The following FDFT1 variants were observed in gnomAD, a reference collection of about 807,000 sequenced individuals.
FDFT1 encodes the protein farnesyl-diphosphate farnesyltransferase 1, also known as squalene synthase.
FDFT1 carries 68 observed loss-of-function variants against 46.8 expected under a neutral mutation model. That is an observed-to-expected ratio of 1.45 (90% CI 1.19 to 1.78). FDFT1 has a LOEUF of 1.78. Ranked by LOEUF, FDFT1 falls within the 40% of genes most tolerant of loss-of-function variation. FDFT1 has a pLI of 0.00. For missense variants in FDFT1, 928 were observed against 524.4 expected (o/e 1.77, Z -7.52); for synonymous variants, 351 against 185.1 (o/e 1.90, Z -7.28).
chr8:11,803,135 C>T lies in FDFT1; in HGVS notation c.99+204C>T, dbSNP rs148275104. 1.9e-4 allele frequency: 273 copies of T among 1,426,086 alleles called. 1 individual carries two copies. In the East Asian group the frequency reaches 5.3e-3, roughly 28 times the overall value. The allele number at this position is 1,426,086 out of a possible 1,614,324, so 88.3% of individuals were successfully genotyped here. ...GTCCTGGCTGACCTGTCCCTGCCCC[C>T]GCAAGCCGCCCTGGGCATGAGCGAC... is the stretch of plus-strand genomic sequence containing the variant. On this transcript the variant is annotated intron_variant, in intron 1 of 7. Coordinates refer to ENST00000220584, the MANE Select transcript of FDFT1 (RefSeq NM_004462.5).
At chr8:11,818,695 T>C (rs1385388657) in intron 3 of FDFT1, among the ~76,000 whole-genome samples, 1 of 151,706 alleles carries the variant, frequency 6.6e-6, no homozygotes, top group Non-Finnish European at 1.5e-5. Context: ...CCTGCTTTTT[T>C]TTTTCGCTTG....
chr8:11,804,714 C>T (rs1806597887), intron 1 of FDFT1, among the ~76,000 whole-genome samples: 1 of 142,202 alleles, frequency 7.0e-6, no homozygotes, highest in East Asian at 2.3e-4. Context: ...TCAAGCAATT[C>T]TCCTGCCTCA....
intron 4 of FDFT1, among the ~76,000 whole-genome samples, chr8:11,824,990 T>A (rs552587100): frequency 2.0e-5 from 3 of 152,122 alleles, no homozygotes; most frequent in Non-Finnish European, 4.4e-5. Flanking sequence ...CCGTCTCAGC[T>A]TCCCAAAGTG....
At chr8:11,808,662 G>T in intron 1 of FDFT1, 132 bp from the exon 2 acceptor site, 1 of 1,459,564 alleles carries the variant, frequency 6.9e-7, no homozygotes, top group Non-Finnish European at 9.1e-7. Flanking sequence ...GCCCTGCAAG[G>T]ACTGGCCTCG....
chr8:11,796,954 G>A (rs1805619093), intron 1 of FDFT1, among the ~76,000 whole-genome samples: 1 of 152,236 alleles, frequency 6.6e-6, no homozygotes, highest in African/African-American at 2.4e-5. Context: ...AAGCAGCTCA[G>A]GGCAGTTGTG....
chr8:11,804,773 A>AT (rs1806608239), intron 1 of FDFT1, among the ~76,000 whole-genome samples: 1 of 151,546 alleles, frequency 6.6e-6, no homozygotes, highest in African/African-American at 2.4e-5. Flanking sequence ...CGCCCGGCTG[A>AT]TTTTTTGGTA....
At chr8:11,836,644 A>T (rs1811571758) in intron 7 of FDFT1, among the ~76,000 whole-genome samples, 1 of 152,248 alleles carries the variant, frequency 6.6e-6, no homozygotes, top group African/African-American at 2.4e-5. Flanking sequence ...TTTTAGGAGG[A>T]AGGCTAAGAC....
Position 11,838,623 on chromosome 8 carries a change from C to T in FDFT1, c.*14C>T, listed in dbSNP as rs962708897. 1.3e-6 allele frequency: 2 copies of T among 1,585,604 alleles called. No homozygotes were observed. Among genetic ancestry groups the T allele is most frequent in the African/African-American group, 2.7e-5 (2 of 74,294 alleles). On this transcript the variant is annotated 3_prime_UTR_variant, in exon 8 of 8. Coordinates refer to ENST00000220584, the MANE Select transcript of FDFT1 (RefSeq NM_004462.5). The stretch of plus-strand genomic sequence containing the variant: ...GGAGAACACTGATCCCAAATTTGTC[C>T]ATAGCTGAAGTCCACCATAAAGTGG...
intron 5 of FDFT1, among the ~76,000 whole-genome samples, chr8:11,826,933 C>T (rs1431602302): frequency 6.6e-6 from 1 of 152,146 alleles, no homozygotes; most frequent in East Asian, 1.9e-4. Context: ...GAATGGATTT[C>T]CCCCAAAGAA....
intron 3 of FDFT1, among the ~76,000 whole-genome samples, chr8:11,812,559 A>C (rs1409328265): frequency 6.6e-6 from 1 of 152,208 alleles, no homozygotes; most frequent in Non-Finnish European, 1.5e-5. Flanking sequence ...AAGAATTCTA[A>C]ATTCAAACCT....
intron 3 of FDFT1, among the ~76,000 whole-genome samples, chr8:11,821,091 C>A (rs1809174216): frequency 6.6e-6 from 1 of 152,150 alleles, no homozygotes; most frequent in Non-Finnish European, 1.5e-5. Flanking sequence ...GTGCTTGATC[C>A]ATGTTTGCAC....
At chr8:11,824,758 C>T (rs34015932) in intron 4 of FDFT1, among the ~76,000 whole-genome samples, 31,356 of 151,820 alleles carry the variant, frequency 0.21, 4,719 homozygotes, top group East Asian at 0.77. Context: ...TGTTTTGAGA[C>T]GGAGTCTCAC....
chr8:11,808,340 G>C, intron 1 of FDFT1: 1 of 1,234,068 alleles, frequency 8.1e-7, no homozygotes, highest in Non-Finnish European at 1.0e-6. Context: ...ACAGCGGGAG[G>C]AGGCGCCGGT....
In FDFT1 at chr8:11,808,905, G is replaced by A; in HGVS notation, c.197+14G>A. 10 of 1,611,480 alleles carry A rather than the reference G, an allele frequency of 6.2e-6. No homozygotes were observed. Among genetic ancestry groups the A allele is most frequent in the Non-Finnish European group, 8.5e-6 (10 of 1,178,872 alleles). On this transcript the variant is annotated intron_variant, in intron 2 of 7. Transcript: ENST00000220584. ...TGGGGAAATGCGGTGAGTGATGGAG[G>A]CAGCGCCTCTGGCTTGGAGGAAAGC...
intron 3 of FDFT1, among the ~76,000 whole-genome samples, chr8:11,821,432 A>C (rs1809225262): frequency 6.6e-6 from 1 of 152,186 alleles, no homozygotes; most frequent in African/African-American, 2.4e-5. Context: ...TTCTACTAAA[A>C]ATATAAAAAT....
chr8:11,807,462 C>T (rs963498160), intron 1 of FDFT1, among the ~76,000 whole-genome samples: 2 of 152,206 alleles, frequency 1.3e-5, no homozygotes, highest in African/African-American at 4.8e-5. Context: ...TGCACCCGGC[C>T]CTGTTGGATA....
At chr8:11,810,689 T>C (rs890525888) in intron 3 of FDFT1, among the ~76,000 whole-genome samples, 9 of 152,190 alleles carry the variant, frequency 5.9e-5, no homozygotes, top group Non-Finnish European at 8.8e-5. Flanking sequence ...TCGCATGTCT[T>C]ATCACACAAA....
rs542020736 is a variant in FDFT1 at position 11,815,255 on chromosome 8, T to C, written c.381+5405T>C. ...TGGTGTATATGTGCCACATTTTCTTTATTCAGTCTATTATTGATGGACATT... is the reference window on the plus strand; with the variant it reads ...TGGTGTATATGTGCCACATTTTCTTCATTCAGTCTATTATTGATGGACATT... On this transcript the variant is annotated intron_variant, in intron 3 of 7. Transcript: ENST00000220584. 5.9e-5 allele frequency among the ~76,000 whole-genome samples: 9 copies of C among 152,324 alleles called. No individual in the cohort carries two copies. In the East Asian group the frequency reaches 1.3e-3, roughly 23 times the overall value.
intron 7 of FDFT1, among the ~76,000 whole-genome samples, chr8:11,835,639 G>A (rs910789712): frequency 3.9e-5 from 6 of 152,080 alleles, no homozygotes; most frequent in African/African-American, 1.4e-4. Flanking sequence ...TTCCCAAAAG[G>A]ATGTAAGATG....
Sources: allele counts gnomAD v4.1 joint callset (sites outside exome capture counted in the v4.1 genomes callset), GRCh38; gene constraint gnomAD v4.1.1; transcripts MANE v1.5; gene names NCBI Gene and HGNC (gene_info 2026-07-23, HGNC 2026-07-21).